SNRPD1: variants seen among roughly 807,000 people sequenced by gnomAD.
SNRPD1 encodes small nuclear ribonucleoprotein D1 polypeptide.
Under a neutral mutation model 14.4 loss-of-function variants are expected in SNRPD1, and 1 was observed. That is an observed-to-expected ratio of 0.07 (90% CI 0.02 to 0.33). The LOEUF is 0.33. Among genes scored for constraint, SNRPD1 ranks in the 10% least tolerant of loss-of-function variants. SNRPD1 has a pLI of 1.00. For synonymous variants in SNRPD1, 42 were observed against 50.3 expected (o/e 0.83, Z 0.70); for missense variants, 52 against 146.4 (o/e 0.36, Z 3.33).
intron 1 of SNRPD1, among the ~76,000 whole-genome samples, chr18:21,616,147 G>A (rs1422759250): frequency 6.6e-6 from 1 of 151,850 alleles, no homozygotes; most frequent in Non-Finnish European, 1.5e-5. Context: ...CACCACGCCC[G>A]GCTAATTTTT....
Position 21,630,156 on chromosome 18 carries a change from C to T in SNRPD1, c.*1018C>T, listed in dbSNP as rs967389894. The T allele has an allele frequency of 1.3e-5, 2 of 152,122 alleles. No individual in the cohort carries two copies. Among genetic ancestry groups the T allele is most frequent in the African/African-American group, 4.8e-5 (2 of 41,422 alleles). The allele number at this position is 152,122 out of a possible 1,614,324, so 9.4% of individuals were successfully genotyped here. On this transcript the variant is annotated 3_prime_UTR_variant, in exon 4 of 4. Transcript: ENST00000300413. ...CAGTTATGAGCAGTGTTAAAATCTC[C>T]TATTAATGTGTAATGTACCTGTCAG...
At chr18:21,614,221 C>T (rs543260032) in intron 1 of SNRPD1, among the ~76,000 whole-genome samples, 41 of 152,202 alleles carry the variant, frequency 2.7e-4, no homozygotes, top group Non-Finnish European at 4.3e-4. Context: ...GAGCTGAGAT[C>T]GCACCACTGC....
At chr18:21,619,476 C>G (rs957467031) in intron 1 of SNRPD1, among the ~76,000 whole-genome samples, 1 of 151,656 alleles carries the variant, frequency 6.6e-6, no homozygotes, top group African/African-American at 2.4e-5. Flanking sequence ...GCCACCACAC[C>G]TGGCGAAGAC....
intron 1 of SNRPD1, among the ~76,000 whole-genome samples, chr18:21,621,829 G>A (rs141066715): frequency 1.2e-3 from 188 of 152,172 alleles, no homozygotes; most frequent in African/African-American, 4.2e-3. Flanking sequence ...CGCCCTCCTC[G>A]GCCTCCCAAA....
rs1209599496 is a variant in SNRPD1, at chr18:21,632,024, G to A, written c.*2886G>A. ...CACACTTGTAGTCCCTGCTACTGGG[G>A]AGGCTAAGGCAAGAGGATCGCTATA... On this transcript the variant is annotated 3_prime_UTR_variant, in exon 4 of 4. Transcript: ENST00000300413. 2.0e-5 allele frequency: 3 copies of A among 152,176 alleles called. No individual in the cohort carries two copies. The highest frequency in any genetic ancestry group is 4.4e-5 in the Non-Finnish European group (3 of 68,040). 9.4% of individuals were successfully genotyped at this position (152,176 alleles called of 1,614,324 possible). A position where few individuals can be genotyped will look rare whatever the true frequency, so the allele number is the denominator to read the frequency against.
At chr18:21,624,970 A>G (rs902961555) in intron 3 of SNRPD1, among the ~76,000 whole-genome samples, 12 of 152,236 alleles carry the variant, frequency 7.9e-5, no homozygotes, top group African/African-American at 2.9e-4. Flanking sequence ...TTTAGGCGTT[A>G]ATGACAAGAA....
At chr18:21,612,479 A>G in intron 1 of SNRPD1, 36 bp downstream of exon 1, 1 of 1,455,796 alleles carries the variant, frequency 6.9e-7, no homozygotes, top group Non-Finnish European at 9.2e-7. Context: ...GGGGCTGTGA[A>G]GGGAGGGCTT....
intron 1 of SNRPD1, among the ~76,000 whole-genome samples, chr18:21,617,490 T>C (rs1042965956): frequency 6.6e-6 from 1 of 152,210 alleles, no homozygotes; most frequent in Non-Finnish European, 1.5e-5. Flanking sequence ...ATAATTTGTC[T>C]TCCTAGAGAT....
intron 1 of SNRPD1, among the ~76,000 whole-genome samples, chr18:21,613,777 C>T (rs1054333923): frequency 1.4e-5 from 2 of 145,174 alleles, no homozygotes; most frequent in East Asian, 4.1e-4. Flanking sequence ...ATCGCTTGAA[C>T]CCAGGCGGCA....
intron 1 of SNRPD1, among the ~76,000 whole-genome samples, chr18:21,618,998 G>A (rs2847139): frequency 0.51 from 77,675 of 151,930 alleles, 23,036 homozygotes; most frequent in African/African-American, 0.82. Flanking sequence ...GATAGGATCT[G>A]TTAATTCAAA....
intron 1 of SNRPD1, 22 bp downstream of exon 1, chr18:21,612,465 T>C: frequency 6.7e-7 from 1 of 1,502,956 alleles, no homozygotes; most frequent in Non-Finnish European, 9.0e-7. Flanking sequence ...ACCAAGCAGC[T>C]CTGGGGGCTG....
In SNRPD1 at chr18:21,623,743, T is replaced by C; in HGVS notation, c.92-5T>C. 6.2e-7 allele frequency: 1 copy of C among 1,600,690 alleles called. No individual in the cohort carries two copies. Among genetic ancestry groups the C allele is most frequent in the South Asian group, 1.1e-5 (1 of 88,580 alleles). On this transcript the variant is annotated splice_region_variant and splice_polypyrimidine_tract_variant and intron_variant, in intron 2 of 3. Transcript: ENST00000300413. Reference sequence around the variant, plus strand: ...TAATAACTGCACAATTATTTTCCTCTTTAGGTGTGGATGTCAGCATGAATA... The same window carrying C: ...TAATAACTGCACAATTATTTTCCTCCTTAGGTGTGGATGTCAGCATGAATA...
chr18:21,623,615 G>C, intron 2 of SNRPD1, 133 bp from the exon 3 acceptor site: 1 of 654,736 alleles, frequency 1.5e-6, no homozygotes, highest in Non-Finnish European at 2.7e-6. Context: ...GTGCTAAATT[G>C]TGTCATAGAA....
At chr18:21,627,323 C>G (rs1462791561) in intron 3 of SNRPD1, among the ~76,000 whole-genome samples, 1 of 151,660 alleles carries the variant, frequency 6.6e-6, no homozygotes, top group East Asian at 1.9e-4. Flanking sequence ...CTATGTTGTC[C>G]AGGATAGTCT....
chr18:21,623,184 C>G (rs549374681), intron 2 of SNRPD1, among the ~76,000 whole-genome samples: 2 of 151,668 alleles, frequency 1.3e-5, no homozygotes, highest in African/African-American at 2.4e-5. Context: ...CTCCCGGGTC[C>G]GGGTTGAAGC....
intron 3 of SNRPD1, among the ~76,000 whole-genome samples, chr18:21,624,551 C>CCTTTA: frequency 6.6e-6 from 1 of 151,688 alleles, no homozygotes; most frequent in East Asian, 1.9e-4. Context: ...AAAAATCAGG[C>CCTTTA]GTGGTGGTGC....
chr18:21,613,628 G>C (rs763785822), intron 1 of SNRPD1, among the ~76,000 whole-genome samples: 1 of 151,826 alleles, frequency 6.6e-6, no homozygotes, highest in Non-Finnish European at 1.5e-5. Flanking sequence ...AGGCCAAGGC[G>C]GGTGGATCAC....
At chr18:21,626,020 T>C (rs893235893) in intron 3 of SNRPD1, among the ~76,000 whole-genome samples, 4 of 152,220 alleles carry the variant, frequency 2.6e-5, no homozygotes, top group Non-Finnish European at 5.9e-5. Context: ...TGAAGGTAAG[T>C]GTGGTCAATT....
Position 21,616,660 on chromosome 18 carries a change from G to A in SNRPD1, c.14+4217G>A, listed in dbSNP as rs563987056. 1.9e-4 allele frequency among the ~76,000 whole-genome samples: 27 copies of A among 145,556 alleles called. 1 individual carries two copies. The East Asian group carries it at 4.7e-3, about 26-fold the overall frequency. ...CGTGAGCCACCATGCCTGACTGATC[G>A]ATTTTTATGTATCTGGAACTCTTTA... On this transcript the variant is annotated intron_variant, in intron 1 of 3. Transcript: ENST00000300413.
Sources: allele counts gnomAD v4.1 joint callset (sites outside exome capture counted in the v4.1 genomes callset), GRCh38; gene constraint gnomAD v4.1.1; transcripts MANE v1.5; gene names NCBI Gene and HGNC (gene_info 2026-07-23, HGNC 2026-07-21).